TEAD1: variants seen among roughly 807,000 people sequenced by gnomAD.
The protein encoded by TEAD1 is TEA domain transcription factor 1, also known as transcriptional enhancer factor TEF-1.
A neutral mutation model predicts 54.9 loss-of-function variants in TEAD1; 9 were observed. The ratio of observed to expected loss-of-function variants is 0.16; its 90% CI spans 0.10 to 0.29. The LOEUF (loss-of-function observed/expected upper bound fraction) is 0.29, where lower values mean the gene tolerates loss of function less well. Ranked by LOEUF, TEAD1 falls within the 10% of genes least tolerant of loss-of-function variation. The probability of loss-of-function intolerance (pLI) is 1.00; values close to 1 mark genes in which losing one functional copy is unlikely to be tolerated. For missense variants in TEAD1, 387 were observed against 535.9 expected (o/e 0.72, Z 2.74); for synonymous variants, 200 against 187.8 (o/e 1.07, Z -0.53).
chr11:12,807,918 C>T (rs746926139), intron 3 of TEAD1, among the ~76,000 whole-genome samples: 1 of 152,154 alleles, frequency 6.6e-6, no homozygotes, highest in South Asian at 2.1e-4. Flanking sequence ...TTACTCATCT[C>T]TGAAGAGTCC....
intron 2 of TEAD1, among the ~76,000 whole-genome samples, chr11:12,706,767 T>C (rs1241598408): frequency 1.3e-5 from 2 of 152,172 alleles, no homozygotes; most frequent in Non-Finnish European, 1.5e-5. Context: ...CACATGTCCT[T>C]CTACGGTTCA....
At chr11:12,920,741 CTT>C (rs1948790011) in intron 10 of TEAD1, among the ~76,000 whole-genome samples, 1 of 152,306 alleles carries the variant, frequency 6.6e-6, no homozygotes, top group Admixed American at 6.5e-5. Flanking sequence ...CATGGAGACT[CTT>C]TTTCAAAGCT....
chr11:12,736,755 G>A (rs1480825129), intron 2 of TEAD1, among the ~76,000 whole-genome samples: 1 of 152,122 alleles, frequency 6.6e-6, no homozygotes, highest in Non-Finnish European at 1.5e-5. Context: ...AATTTAAAAA[G>A]CAGAGAATGT....
intron 2 of TEAD1, among the ~76,000 whole-genome samples, chr11:12,676,344 A>C (rs1292146471): frequency 6.6e-6 from 1 of 152,122 alleles, no homozygotes; most frequent in Non-Finnish European, 1.5e-5. Context: ...CCCTTCAGGG[A>C]GATGTGATCC....
At chr11:12,900,711 A>G (rs940676760) in intron 9 of TEAD1, among the ~76,000 whole-genome samples, 11 of 151,948 alleles carry the variant, frequency 7.2e-5, no homozygotes, top group African/African-American at 1.2e-4. Context: ...CATGTATAAT[A>G]CTCAGCTTTG....
intron 2 of TEAD1, among the ~76,000 whole-genome samples, chr11:12,739,198 T>TTCTA (rs374577439): frequency 0.11 from 15,515 of 146,862 alleles, 836 homozygotes; most frequent in South Asian, 0.17. Flanking sequence ...GTCTCATTCT[T>TTCTA]TCTATCTATC....
intron 10 of TEAD1, among the ~76,000 whole-genome samples, chr11:12,907,978 G>A (rs2134136932): frequency 6.6e-6 from 1 of 152,302 alleles, no homozygotes; most frequent in South Asian, 2.1e-4. Flanking sequence ...TTGAAGTCCT[G>A]TCATTATGAG....
At chr11:12,798,984 C>T (rs753843392) in intron 3 of TEAD1, among the ~76,000 whole-genome samples, 2 of 152,338 alleles carry the variant, frequency 1.3e-5, no homozygotes, top group South Asian at 2.1e-4. Context: ...CCTGCTGGCA[C>T]CCTGTTAGAA....
At chr11:12,929,871 A>G (rs1216297573) in intron 11 of TEAD1, among the ~76,000 whole-genome samples, 1 of 152,226 alleles carries the variant, frequency 6.6e-6, no homozygotes, top group Non-Finnish European at 1.5e-5. Context: ...TCCTCCAGGT[A>G]AAGCATCATA....
At position 12,674,464 on chromosome 11, in the gene TEAD1, TGAGCC is replaced by T. The variant is rs1325293094; in HGVS notation, c.-567_-563del. ...ATCGCTCGCGCCGCGCCGCGCCGCCTGAGCCGAGCCGAGCCTCTGCTGCCGCCGCC... is the reference window on the plus strand; with the variant it reads ...ATCGCTCGCGCCGCGCCGCGCCGCCTGAGCCGAGCCTCTGCTGCCGCCGCC... On this transcript the variant is annotated 5_prime_UTR_variant, in exon 1 of 13. Coordinates refer to ENST00000527636, the MANE Select transcript of TEAD1 (RefSeq NM_021961.6). The T allele has an allele frequency of 6.6e-6, 1 of 151,088 alleles. No homozygotes were observed. Among genetic ancestry groups the T allele is most frequent in the Non-Finnish European group, 1.5e-5 (1 of 67,878 alleles). 9.4% of individuals were successfully genotyped at this position (151,088 alleles called of 1,614,324 possible).
chr11:12,788,999 C>G (rs1945742791), intron 3 of TEAD1, among the ~76,000 whole-genome samples: 1 of 152,208 alleles, frequency 6.6e-6, no homozygotes, highest in Admixed American at 6.5e-5. Context: ...ATCTTCCTGC[C>G]TTGGCCTCCC....
At chr11:12,927,571 A>G (rs907308695) in intron 11 of TEAD1, among the ~76,000 whole-genome samples, 33 of 152,328 alleles carry the variant, frequency 2.2e-4, no homozygotes, top group African/African-American at 7.9e-4. Flanking sequence ...ACATATAAAG[A>G]AAAACAAAAA....
At chr11:12,677,872 C>G (rs1943130308) in intron 2 of TEAD1, among the ~76,000 whole-genome samples, 1 of 152,184 alleles carries the variant, frequency 6.6e-6, no homozygotes, top group African/African-American at 2.4e-5. Flanking sequence ...ACTTTTCTCT[C>G]TAATCTCATG....
chr11:12,694,203 G>A (rs1456659318), intron 2 of TEAD1, among the ~76,000 whole-genome samples: 2 of 152,266 alleles, frequency 1.3e-5, no homozygotes, highest in Middle Eastern at 3.4e-3. Context: ...CATGCAAGCC[G>A]ACACTAGGCA....
chr11:12,742,166 T>C (rs910663752), intron 2 of TEAD1, among the ~76,000 whole-genome samples: 3 of 152,228 alleles, frequency 2.0e-5, no homozygotes, highest in African/African-American at 7.2e-5. Flanking sequence ...ATGGGAGGCT[T>C]ACTGTCTCAC....
chr11:12,904,929 G>T, intron 10 of TEAD1: 1 of 298,710 alleles, frequency 3.3e-6, no homozygotes, highest in Non-Finnish European at 6.7e-6. Context: ...TTGAGGTCAG[G>T]GTCAGGCTGT....
intron 3 of TEAD1, among the ~76,000 whole-genome samples, chr11:12,834,344 G>A (rs1429567618): frequency 3.3e-5 from 5 of 152,206 alleles, no homozygotes; most frequent in African/African-American, 1.2e-4. Context: ...CTTTGGACTT[G>A]TGAACATCTG....
intron 10 of TEAD1, among the ~76,000 whole-genome samples, chr11:12,917,196 C>T (rs868789513): frequency 5.3e-5 from 8 of 152,240 alleles, no homozygotes; most frequent in Middle Eastern, 3.4e-3. Context: ...TCCAGAGAGA[C>T]GACAGCTGGC....
At chr11:12,704,937 A>G (rs569688027) in intron 2 of TEAD1, among the ~76,000 whole-genome samples, 107 of 152,364 alleles carry the variant, frequency 7.0e-4, no homozygotes, top group Middle Eastern at 6.8e-3. Flanking sequence ...TAATGAAAAC[A>G]TACACCGTGT....
Sources: allele counts gnomAD v4.1 joint callset (sites outside exome capture counted in the v4.1 genomes callset), GRCh38; gene constraint gnomAD v4.1.1; transcripts MANE v1.5; gene names NCBI Gene and HGNC (gene_info 2026-07-23, HGNC 2026-07-21).